The following MMD2 variants were observed in gnomAD, a reference collection of about 807,000 sequenced individuals.
MMD2 encodes monocyte to macrophage differentiation associated 2.
MMD2 carries 30 observed loss-of-function variants against 33.5 expected under a neutral mutation model. That is an observed-to-expected ratio of 0.90 (90% CI 0.67 to 1.22). The LOEUF (loss-of-function observed/expected upper bound fraction) is 1.22. Among genes scored for constraint, MMD2 ranks in the 50% most tolerant of loss-of-function variants. The pLI is 0.00. For synonymous variants in MMD2, 129 were observed against 123.0 expected, an observed-to-expected ratio of 1.05 and a Z score of -0.32; for missense variants, 364 against 325.4, an observed-to-expected ratio of 1.12 and a Z score of -0.91.
chr7:4,898,336 T>C, the MMD2 span, among the ~76,000 whole-genome samples: 3 of 152,150 alleles, frequency 2.0e-5, no homozygotes, highest in Non-Finnish European at 2.9e-5. Flanking sequence ...TTGCAGCAAA[T>C]ACACACTAAG....
chr7:4,952,307 C>T (rs1032556667), intron 1 of MMD2, among the ~76,000 whole-genome samples: 63 of 152,204 alleles, frequency 4.1e-4, no homozygotes, highest in African/African-American at 1.4e-3. Flanking sequence ...GTGGGCTGTG[C>T]CTGGATGAAT....
rs33983457 is a variant in MMD2, at chr7:4,943,004, CTTTTTTTTTTTT to C, written c.47+15955_47+15966del. On this transcript the variant is annotated intron_variant, in intron 1 of 6. Coordinates refer to ENST00000401401, the MANE Select transcript of MMD2 (RefSeq NM_198403.4). ...ACACTTCAGGAGGTCCTGCCCTTTTCTTTTTTTTTTTTTTTTTTTTTTTGAGACAGAGTCTCT... is the reference window on the plus strand; with the variant it reads ...ACACTTCAGGAGGTCCTGCCCTTTTCTTTTTTTTTTTGAGACAGAGTCTCT... 4.7e-5 allele frequency among the ~76,000 whole-genome samples: 4 copies of C among 85,688 alleles called. No individual in the cohort carries two copies. The Admixed American group carries it at 5.8e-4, about 12-fold the overall frequency. The allele number at this position is 85,688 out of a possible 152,430, so 56.2% of individuals were successfully genotyped here.
intron 3 of MMD2, 79 bp from the exon 4 acceptor site, chr7:4,916,158 C>T: frequency 1.5e-6 from 2 of 1,338,740 alleles, no homozygotes; most frequent in Non-Finnish European, 2.1e-6. Flanking sequence ...GTGCCCTGGA[C>T]TGATCGTGCC....
intron 1 of MMD2, among the ~76,000 whole-genome samples, chr7:4,932,637 TTTTG>T (rs1253839865): frequency 3.9e-4 from 59 of 151,588 alleles, no homozygotes; most frequent in African/African-American, 1.4e-3. Flanking sequence ...TTTTTTTTTT[TTTTG>T]AGAAGGAGTT....
downstream of MMD2, among the ~76,000 whole-genome samples, chr7:4,905,353 GAGA>G (rs1000798833): frequency 6.7e-6 from 1 of 148,758 alleles, no homozygotes; most frequent in East Asian, 2.0e-4. This position sits in a 1 kb window ranked among gnomAD's most constrained non-coding sequence, Gnocchi z 5.0. Flanking sequence ...AGAGGAGGAG[GAGA>G]AGGAGGAAGA....
chr7:4,893,353 A>G, the MMD2 span, among the ~76,000 whole-genome samples: 3 of 143,346 alleles, frequency 2.1e-5, no homozygotes, highest in Admixed American at 7.3e-5. Flanking sequence ...GGCTATTTTT[A>G]TGGTTATTTC....
At chr7:4,914,597 G>A (rs369407277) in intron 4 of MMD2, among the ~76,000 whole-genome samples, 2 of 152,104 alleles carry the variant, frequency 1.3e-5, no homozygotes, top group East Asian at 3.8e-4. Context: ...CCTGGCACAG[G>A]GCAGTGCCCA....
chr7:4,916,371 CTTTTT>C (rs553309427), intron 3 of MMD2, among the ~76,000 whole-genome samples: 3 of 64,744 alleles, frequency 4.6e-5, no homozygotes, highest in African/African-American at 6.9e-5. Flanking sequence ...CTCCGTCCCA[CTTTTT>C]TTTTTTTTTT....
chr7:4,926,942 C>T lies in MMD2; in HGVS notation c.48-1410G>A, dbSNP rs190105091. ...TATATTTTTAGTAGAGACGGGGTTT[C>T]ACTGTTTTAGCCAGGATGGTCTCGA... is the stretch of plus-strand genomic sequence containing the variant. On this transcript the variant is annotated intron_variant, in intron 1 of 6. Transcript: ENST00000401401. Among the ~76,000 whole-genome samples the T allele has an allele frequency of 1.7e-3, 256 of 151,834 alleles. 1 individual carries two copies. The highest frequency in any genetic ancestry group is 5.5e-3 in the African/African-American group (229 of 41,460).
chr7:4,913,420 G>C (rs1785063359), intron 4 of MMD2, among the ~76,000 whole-genome samples: 1 of 152,042 alleles, frequency 6.6e-6, no homozygotes, highest in Non-Finnish European at 1.5e-5. Flanking sequence ...TAAAGCACAA[G>C]AAAACTGGAT....
At chr7:4,923,184 G>A (rs1013828407) in intron 2 of MMD2, among the ~76,000 whole-genome samples, 28 of 151,770 alleles carry the variant, frequency 1.8e-4, no homozygotes. Flanking sequence ...GCTCACTGCA[G>A]CCTCTGCCTC....
At chr7:4,926,029 C>T (rs1785415922) in intron 1 of MMD2, among the ~76,000 whole-genome samples, 1 of 152,160 alleles carries the variant, frequency 6.6e-6, no homozygotes, top group Admixed American at 6.5e-5. Context: ...TGGTCTCAAA[C>T]TCCTGACCTC....
chr7:4,929,394 G>A (rs983896414), intron 1 of MMD2, among the ~76,000 whole-genome samples: 1 of 152,054 alleles, frequency 6.6e-6, no homozygotes, highest in Admixed American at 6.6e-5. Context: ...ACCCACCCTG[G>A]GGACCCCATT....
Position 4,907,425 on chromosome 7 carries a change from T to C in MMD2, c.712A>G (p.Ser238Gly). Residue 238 changes from serine to glycine, a missense_variant, in exon 7 of 7, where the codon AGC becomes GGC. Physicochemically the swap from Ser to Gly is moderately conservative, Grantham distance 56. Transcript: ENST00000401401. ...TTGGACACCTTGGTCTGCAGGGTGCTGGGCAGATAGAGGTACCTCCAGATG... is the reference window on the plus strand; with the variant it reads ...TTGGACACCTTGGTCTGCAGGGTGCCGGGCAGATAGAGGTACCTCCAGATG... ...YAIWRYLYLP[S>G]TLQTKVSK is the part of the protein sequence containing the mutation. The C allele has an allele frequency of 6.2e-7, 1 of 1,613,910 alleles. No homozygotes were observed. The highest frequency in any genetic ancestry group is 8.5e-7 in the Non-Finnish European group (1 of 1,179,898).
Position 4,940,282 on chromosome 7 carries a change from C to T in MMD2, c.48-14750G>A, listed in dbSNP as rs1364987461. ...GCCCAGTCTCAGAGCTCAGCTTCTG[C>T]AATTCCTCCCTCTCTCTCTCTGGCC... On this transcript the variant is annotated intron_variant, in intron 1 of 6. Coordinates refer to ENST00000401401, the MANE Select transcript of MMD2 (RefSeq NM_198403.4). The surrounding 1 kb of genome is among the most constrained non-coding windows in gnomAD (Gnocchi z 5.0). Among the ~76,000 whole-genome samples the T allele has an allele frequency of 6.6e-6, 1 of 152,194 alleles. No homozygotes were observed. Among genetic ancestry groups the T allele is most frequent in the Non-Finnish European group, 1.5e-5 (1 of 68,030 alleles).
intron 1 of MMD2, among the ~76,000 whole-genome samples, chr7:4,930,077 G>A (rs1357312146): frequency 6.7e-6 from 1 of 148,988 alleles, no homozygotes; most frequent in Non-Finnish European, 1.5e-5. Context: ...AGACCATCCT[G>A]GCTAACACAG....
chr7:4,947,825 G>A (rs1201514185), intron 1 of MMD2, among the ~76,000 whole-genome samples: 1 of 148,306 alleles, frequency 6.7e-6, no homozygotes, highest in Non-Finnish European at 1.5e-5. Flanking sequence ...TCAGCCTCCT[G>A]AGTATCTGGG....
At chr7:4,903,727 C>G (rs1266723034), downstream of MMD2, among the ~76,000 whole-genome samples, 2 of 152,234 alleles carry the variant, frequency 1.3e-5, no homozygotes, top group Non-Finnish European at 1.5e-5. Context: ...CTCCCACCTG[C>G]CTTCACTCAT....
chr7:4,929,536 T>C (rs1435296835), intron 1 of MMD2, among the ~76,000 whole-genome samples: 3 of 152,020 alleles, frequency 2.0e-5, no homozygotes, highest in Non-Finnish European at 4.4e-5. Flanking sequence ...GAGTCTCTTT[T>C]TTTTTTGAGA....
Sources: allele counts gnomAD v4.1 joint callset (sites outside exome capture counted in the v4.1 genomes callset), GRCh38; gene constraint gnomAD v4.1.1; non-coding constraint Gnocchi (gnomAD v3.1); transcripts MANE v1.5; gene names NCBI Gene and HGNC (gene_info 2026-07-23, HGNC 2026-07-21).